GABPB1: variants seen among roughly 807,000 people sequenced by gnomAD.
The protein encoded by GABPB1 is GA binding protein transcription factor subunit beta 1.
GABPB1 carries 15 observed loss-of-function variants against 45.9 expected under a neutral mutation model. That is an observed-to-expected ratio of 0.33 (90% CI 0.22 to 0.50). GABPB1 has a LOEUF of 0.50. Among genes scored for constraint, GABPB1 ranks in the 20% least tolerant of loss-of-function variants. The probability of loss-of-function intolerance (pLI) is 0.98; values close to 1 mark genes in which losing one functional copy is unlikely to be tolerated. For synonymous variants in GABPB1, 143 were observed against 154.4 expected (o/e 0.93, Z 0.55); for missense variants, 252 against 457.5 (o/e 0.55, Z 4.10).
chr15:50,302,777 G>C lies in GABPB1; in HGVS notation c.471+152C>G, dbSNP rs1203693273. On this transcript the variant is annotated intron_variant, in intron 4 of 8. Coordinates refer to ENST00000380877, the MANE Select transcript of GABPB1 (RefSeq NM_016654.5). Reference sequence around the variant, plus strand: ...AAGAAAATGAATAGTAATAAACAAAGAGGAAGTGAAAGAGAAAAAGGCCTA... The same window carrying C: ...AAGAAAATGAATAGTAATAAACAAACAGGAAGTGAAAGAGAAAAAGGCCTA... 3.7e-6 allele frequency: 2 copies of C among 541,682 alleles called. 1 individual carries two copies. The highest frequency in any genetic ancestry group is 6.5e-5 in the East Asian group (2 of 30,854). 33.6% of individuals were successfully genotyped at this position (541,682 alleles called of 1,614,324 possible). A position where few individuals can be genotyped will look rare whatever the true frequency, so the allele number is the denominator to read the frequency against.
At chr15:50,350,881 A>G (rs1453477676) in intron 1 of GABPB1, 1 of 152,214 alleles carries the variant, frequency 6.6e-6, no homozygotes, top group Non-Finnish European at 1.5e-5. Flanking sequence ...CTTCTGCATG[A>G]CAGAACTCCA....
At chr15:50,305,286 CTAT>C (rs1466559959) in intron 2 of GABPB1, among the ~76,000 whole-genome samples, 10 of 151,498 alleles carry the variant, frequency 6.6e-5, no homozygotes, top group Non-Finnish European at 8.8e-5. Context: ...ATCTCTCTAT[CTAT>C]CTATCTATAG....
chr15:50,344,170 A>T (rs2048480899), intron 1 of GABPB1, among the ~76,000 whole-genome samples: 1 of 152,242 alleles, frequency 6.6e-6, no homozygotes, highest in Non-Finnish European at 1.5e-5. Context: ...AGCAAGGTAT[A>T]TTACAGAGTA....
At chr15:50,345,651 C>T (rs1035752854) in intron 1 of GABPB1, among the ~76,000 whole-genome samples, 2 of 152,144 alleles carry the variant, frequency 1.3e-5, no homozygotes, top group Non-Finnish European at 1.5e-5. Flanking sequence ...CTAGAAAGAA[C>T]AGTAGCAGCA....
chr15:50,354,671 G>A (rs1164231213), intron 1 of GABPB1: 1 of 421,050 alleles, frequency 2.4e-6, no homozygotes, highest in Non-Finnish European at 4.7e-6. Context: ...CCGGCAAGCC[G>A]GGTAGCCGCG....
Position 50,300,436 on chromosome 15 carries a change from G to GTTTTTTTTTTTTTTTTTTTTTTT in GABPB1, c.697+330_697+352dup, listed in dbSNP as rs1297157973. 2.9e-4 allele frequency among the ~76,000 whole-genome samples: 12 copies of GTTTTTTTTTTTTTTTTTTTTTTT among 40,806 alleles called. 5 individuals carry two copies. Among genetic ancestry groups the GTTTTTTTTTTTTTTTTTTTTTTT allele is most frequent in the Non-Finnish European group, 4.7e-4 (12 of 25,408 alleles). The allele number at this position is 40,806 out of a possible 152,430, so 26.8% of individuals were successfully genotyped here. ...ATATTTGAATCTGCAACTGTTTTTG[G>GTTTTTTTTTTTTTTTTTTTTTTT]TTTTTTTTTTTTTTTTTTTTTTTTG... On this transcript the variant is annotated intron_variant, in intron 6 of 8. Coordinates refer to ENST00000380877, the MANE Select transcript of GABPB1 (RefSeq NM_016654.5).
intron 2 of GABPB1, among the ~76,000 whole-genome samples, chr15:50,305,956 T>C (rs562289503): frequency 6.6e-6 from 1 of 151,986 alleles, no homozygotes; most frequent in African/African-American, 2.4e-5. Context: ...CATGTAGTTT[T>C]TGTAGCTTTT....
At chr15:50,348,726 G>A (rs769654582) in intron 1 of GABPB1, among the ~76,000 whole-genome samples, 14 of 151,962 alleles carry the variant, frequency 9.2e-5, no homozygotes, top group Non-Finnish European at 1.8e-4. Flanking sequence ...GCTGGGCGTC[G>A]TGGCGCGCAC....
chr15:50,283,364 C>A (rs979316733), intron 8 of GABPB1, among the ~76,000 whole-genome samples: 4 of 151,340 alleles, frequency 2.6e-5, no homozygotes, highest in Non-Finnish European at 4.4e-5. Flanking sequence ...AAAAAAAAAA[C>A]CTATTTTATT....
In GABPB1 at chr15:50,277,635, G is replaced by A. The variant is rs1050959403; in HGVS notation, c.*997C>T. The stretch of plus-strand genomic sequence containing the variant: ...CTACATACAAAAGCAATTTTTTTCC[G>A]TAAGAATCATTTCCTGGGGAGAAAT... On this transcript the variant is annotated 3_prime_UTR_variant, in exon 9 of 9. Coordinates refer to ENST00000380877, the MANE Select transcript of GABPB1 (RefSeq NM_016654.5). 4 of 152,440 alleles carry A rather than the reference G, an allele frequency of 2.6e-5. No individual in the cohort carries two copies. Among genetic ancestry groups the A allele is most frequent in the African/African-American group, 7.2e-5 (3 of 41,406 alleles). The allele number at this position is 152,440 out of a possible 1,614,324, so 9.4% of individuals were successfully genotyped here. A position where few individuals can be genotyped will look rare whatever the true frequency, so the allele number is the denominator to read the frequency against.
At chr15:50,353,728 AAAC>A (rs1049945741) in intron 1 of GABPB1, 4 of 146,220 alleles carry the variant, frequency 2.7e-5, no homozygotes, top group African/African-American at 1.1e-4. Flanking sequence ...TACATGAGAT[AAAC>A]TATCTACAGG....
At chr15:50,340,799 C>T (rs1323633082) in intron 1 of GABPB1, among the ~76,000 whole-genome samples, 3 of 151,476 alleles carry the variant, frequency 2.0e-5, no homozygotes, top group African/African-American at 7.3e-5. Flanking sequence ...ATATTCTTTA[C>T]CTATTTTACC....
chr15:50,296,894 T>C (rs948088770), intron 6 of GABPB1, among the ~76,000 whole-genome samples: 1 of 150,494 alleles, frequency 6.6e-6, no homozygotes, highest in Admixed American at 6.8e-5. Flanking sequence ...TACTTAAACT[T>C]TAACTTAATT....
intron 1 of GABPB1, among the ~76,000 whole-genome samples, chr15:50,342,825 T>C (rs1055048229): frequency 2.6e-5 from 4 of 152,158 alleles, no homozygotes; most frequent in Non-Finnish European, 4.4e-5. Flanking sequence ...GTTAGATAGG[T>C]TTCAAGGTTT....
In GABPB1 at chr15:50,304,131, C is replaced by A; in HGVS notation, c.111G>T (p.Leu37=). The A allele has an allele frequency of 6.4e-7, 1 of 1,572,792 alleles. No individual in the cohort carries two copies. Among genetic ancestry groups the A allele is most frequent in the Non-Finnish European group, 8.6e-7 (1 of 1,165,144 alleles). The change falls in exon 3 of 9, where the codon CTG becomes CTT. Residue 37 remains leucine, a splice_region_variant and synonymous_variant. Transcript: ENST00000380877. Reference sequence around the variant, plus strand: ...CTGCTAGATGAAGTGGAGAAGTTCCCAGCTGTACCACAGAAAAAAAAAAAA... The same window carrying A: ...CTGCTAGATGAAGTGGAGAAGTTCCAAGCTGTACCACAGAAAAAAAAAAAA... The part of the protein sequence containing the change: ...ANGAPFTTDW[L]GTSPLHLAAQ...
intron 6 of GABPB1, among the ~76,000 whole-genome samples, chr15:50,291,402 T>A (rs989340901): frequency 2.0e-5 from 3 of 151,686 alleles, no homozygotes; most frequent in African/African-American, 7.3e-5. Flanking sequence ...CACTGCAACA[T>A]CCGCCTCCCG....
chr15:50,301,332 T>A lies in GABPB1; in HGVS notation c.508A>T (p.Ser170Cys). 1.9e-6 allele frequency: 3 copies of A among 1,613,690 alleles called. No homozygotes were observed. The highest frequency in any genetic ancestry group is 2.2e-5 in the East Asian group (1 of 44,876). ...MQNQINTNPE[S>C]PDTVTIHAAT... The stretch of plus-strand genomic sequence containing the variant: ...GCATGTATTGTCACAGTGTCAGGAC[T>A]CTCTGGGTTTGTGTTGATTTGGTTC... Residue 170 changes from serine to cysteine, a missense_variant, in exon 5 of 9, where the codon AGT becomes TGT. Physicochemically the swap from Ser to Cys is moderately radical, Grantham distance 112. This residue lies in a region of GABPB1 where 193 missense variants were observed against 259.9 expected (regional missense o/e 0.74). Transcript: ENST00000380877.
At chr15:50,353,780 G>A (rs1460425455) in intron 1 of GABPB1, 1 of 152,300 alleles carries the variant, frequency 6.6e-6, no homozygotes, top group African/African-American at 2.4e-5. Context: ...AAATGAGAGT[G>A]GATCTTTTAA....
rs1454648356 is a variant in GABPB1 at position 50,301,320 on chromosome 15, C to T, written c.520G>A (p.Val174Met). ...TGTGGTGTTGCAGCATGTATTGTCA[C>T]AGTGTCAGGACTCTCTGGGTTTGTG... ...INTNPESPDT[V>M]TIHAATPQFI... The change falls in exon 5 of 9, where the codon GTG becomes ATG. Residue 174 changes from valine (V) to methionine (M), a missense_variant. Physicochemically the swap from Val to Met is conservative, Grantham distance 21. This residue lies in a region of GABPB1 where 193 missense variants were observed against 259.9 expected (regional missense o/e 0.74). Coordinates refer to ENST00000380877, the MANE Select transcript of GABPB1 (RefSeq NM_016654.5). 3 of 1,614,004 alleles carry T rather than the reference C, an allele frequency of 1.9e-6. No homozygotes were observed. In the African/African-American group the frequency reaches 4.0e-5, roughly 22 times the overall value.
Sources: gnomAD v4.1 joint callset for allele counts (sites outside exome capture counted in the v4.1 genomes callset) on GRCh38, gnomAD v4.1.1 for gene constraint, gnomAD v4.1.1 regional missense constraint, MANE v1.5 for transcripts, NCBI Gene and HGNC (gene_info 2026-07-23, HGNC 2026-07-21) for gene names.